The following ANO3 variants were observed in gnomAD, a reference collection of about 807,000 sequenced individuals.
The protein encoded by ANO3 is anoctamin 3.
Under a neutral mutation model 144.8 loss-of-function variants are expected in ANO3, and 99 were observed. The observed-to-expected ratio is 0.68, with a 90% CI of 0.58 to 0.81. ANO3 has a LOEUF of 0.81. Ranked by LOEUF, ANO3 falls within the 30% of genes least tolerant of loss-of-function variation. The pLI, the probability that ANO3 is intolerant of heterozygous loss-of-function variation, is 0.00. For synonymous variants in ANO3, 414 were observed against 392.6 expected, an observed-to-expected ratio of 1.05 and a Z score of -0.64; for missense variants, 905 against 1,202.2, an observed-to-expected ratio of 0.75 and a Z score of 3.66.
Position 26,338,279 on chromosome 11 carries a change from A to G in ANO3, c.46+5958A>G, listed in dbSNP as rs188429881. Among the ~76,000 whole-genome samples, 3 of 152,262 alleles carry G rather than the reference A, an allele frequency of 2.0e-5. No individual in the cohort carries two copies. The East Asian group carries it at 5.8e-4, about 29-fold the overall frequency. On this transcript the variant is annotated intron_variant, in intron 1 of 26. Transcript: ENST00000256737. ...AAATGCACCAGTCAGCACTCTGTAA[A>G]AATGCACCAATTAGCACTCTGTGTC...
intron 4 of ANO3, among the ~76,000 whole-genome samples, chr11:26,481,791 A>G (rs1349921807): frequency 6.6e-6 from 1 of 152,204 alleles, no homozygotes; most frequent in East Asian, 1.9e-4. Flanking sequence ...ATTTCTAAAA[A>G]TCAAAGAAAA....
chr11:26,306,907 C>T (rs1854397278), upstream of ANO3, among the ~76,000 whole-genome samples: 1 of 152,060 alleles, frequency 6.6e-6, no homozygotes, highest in South Asian at 2.1e-4. Flanking sequence ...TGTAATGTTA[C>T]CCATATATTC....
At chr11:26,485,203 G>A (rs1400071167) in intron 4 of ANO3, among the ~76,000 whole-genome samples, 2 of 152,120 alleles carry the variant, frequency 1.3e-5, no homozygotes, top group Non-Finnish European at 2.9e-5. Flanking sequence ...TAGGGGCCAG[G>A]GGCAGAATGA....
intron 1 of ANO3, among the ~76,000 whole-genome samples, chr11:26,202,567 A>G (rs2133913562): frequency 6.6e-6 from 1 of 151,806 alleles, no homozygotes; most frequent in East Asian, 1.9e-4. Context: ...GGTAGGAAAG[A>G]AGCTGTAGAG....
chr11:26,392,507 T>C (rs1856908899), intron 1 of ANO3, among the ~76,000 whole-genome samples: 1 of 152,010 alleles, frequency 6.6e-6, no homozygotes, highest in South Asian at 2.1e-4. Context: ...AGGGGTGAGA[T>C]ATTATGTTTT....
intron 4 of ANO3, among the ~76,000 whole-genome samples, chr11:26,502,728 A>G (rs1053923743): frequency 3.3e-5 from 5 of 152,200 alleles, no homozygotes; most frequent in South Asian, 2.1e-4. Context: ...TTACATGCCT[A>G]TAACTGCAAG....
At chr11:26,531,985 A>G (rs997215469) in intron 8 of ANO3, among the ~76,000 whole-genome samples, 2 of 152,202 alleles carry the variant, frequency 1.3e-5, no homozygotes, top group Non-Finnish European at 2.9e-5. Context: ...ACAAAAATGT[A>G]AATTTATAAT....
chr11:26,214,631 T>A (rs1189830148), intron 1 of ANO3, among the ~76,000 whole-genome samples: 1 of 151,910 alleles, frequency 6.6e-6, no homozygotes, highest in Non-Finnish European at 1.5e-5. Flanking sequence ...CAGATTTAGG[T>A]TTACAGAAAA....
chr11:26,487,513 G>C (rs1860501448), intron 4 of ANO3, among the ~76,000 whole-genome samples: 1 of 152,160 alleles, frequency 6.6e-6, no homozygotes, highest in South Asian at 2.1e-4. Context: ...ATGTGGAAGT[G>C]ACTTTGGAAC....
intron 1 of ANO3, among the ~76,000 whole-genome samples, chr11:26,350,683 T>C (rs955163607): frequency 2.0e-5 from 3 of 151,660 alleles, no homozygotes; most frequent in Admixed American, 2.0e-4. Context: ...AACGTTGTGA[T>C]TTTTTTTCAG....
intron 1 of ANO3, among the ~76,000 whole-genome samples, chr11:26,351,873 A>G (rs1324622268): frequency 6.6e-6 from 1 of 152,172 alleles, no homozygotes; most frequent in Non-Finnish European, 1.5e-5. Context: ...TGACCGCACT[A>G]ATATCCCTTG....
chr11:26,509,859 T>C (rs1433802426), intron 5 of ANO3, among the ~76,000 whole-genome samples: 1 of 152,006 alleles, frequency 6.6e-6, no homozygotes, highest in Admixed American at 6.6e-5. Context: ...ACTAATCCAT[T>C]TAGGCCTGGC....
intron 14 of ANO3, among the ~76,000 whole-genome samples, chr11:26,576,647 C>A (rs61877057): frequency 0.031 from 4,698 of 152,248 alleles, 107 homozygotes; most frequent in Non-Finnish European, 0.05. Flanking sequence ...TATTCTCACT[C>A]CTCCTGCTGC....
chr11:26,309,833 C>T (rs1031319480), intron 1 of ANO3: 1 of 305,306 alleles, frequency 3.3e-6, no homozygotes, highest in Non-Finnish European at 4.8e-6. Context: ...CAAATTTAGT[C>T]TCATGTTAAT....
At chr11:26,292,275 C>G (rs865852160) in intron 1 of ANO3, among the ~76,000 whole-genome samples, 10 of 152,206 alleles carry the variant, frequency 6.6e-5, no homozygotes, top group African/African-American at 2.4e-4. Context: ...CATTTAAGGT[C>G]TTCTCTATGC....
chr11:26,406,690 TG>T (rs1319228850), intron 1 of ANO3, among the ~76,000 whole-genome samples: 6 of 142,296 alleles, frequency 4.2e-5, no homozygotes, highest in Non-Finnish European at 6.2e-5. Flanking sequence ...TGTGTGTGTG[TG>T]TGTGTGTGTG....
At chr11:26,364,886 G>A (rs187154269) in intron 1 of ANO3, among the ~76,000 whole-genome samples, 13 of 152,146 alleles carry the variant, frequency 8.5e-5, no homozygotes, top group Middle Eastern at 3.4e-3. Flanking sequence ...CTCCCATTGC[G>A]AAATACAATC....
At chr11:26,264,703 G>A (rs1278587469) in intron 1 of ANO3, among the ~76,000 whole-genome samples, 3 of 152,030 alleles carry the variant, frequency 2.0e-5, no homozygotes, top group Non-Finnish European at 4.4e-5. Context: ...TTCTTATGAG[G>A]CCTTTCTCTT....
At chr11:26,642,719 A>G (rs1429928947) in intron 22 of ANO3, among the ~76,000 whole-genome samples, 8 of 152,096 alleles carry the variant, frequency 5.3e-5, no homozygotes, top group Admixed American at 2.6e-4. Context: ...ATTTTTCACA[A>G]TAAACCTTTG....
Sources: gnomAD v4.1 joint callset for allele counts (sites outside exome capture counted in the v4.1 genomes callset) on GRCh38, gnomAD v4.1.1 for gene constraint, MANE v1.5 for transcripts, NCBI Gene and HGNC (gene_info 2026-07-23, HGNC 2026-07-21) for gene names.